Variants in POT1 observed in about 807,000 individuals in gnomAD.
POT1 encodes the protein protection of telomeres 1.
A neutral mutation model predicts 78.5 loss-of-function variants in POT1; 47 were observed. The observed-to-expected ratio is 0.60, with a 90% CI of 0.47 to 0.76. The LOEUF (loss-of-function observed/expected upper bound fraction) is 0.76, where lower values mean the gene tolerates loss of function less well. Ranked by LOEUF, POT1 falls within the 30% of genes least tolerant of loss-of-function variation. The pLI, the probability that POT1 is intolerant of heterozygous loss-of-function variation, is 0.00. For synonymous variants in POT1, 259 were observed against 260.7 expected, an observed-to-expected ratio of 0.99 and a Z score of 0.06; for missense variants, 646 against 749.9, an observed-to-expected ratio of 0.86 and a Z score of 1.62.
intron 6 of POT1, among the ~76,000 whole-genome samples, chr7:124,876,944 A>G (rs1796003933): frequency 6.6e-6 from 1 of 152,284 alleles, no homozygotes; most frequent in African/African-American, 2.4e-5. Context: ...CCTTAGTACA[A>G]TATCTGACCA....
intron 6 of POT1, among the ~76,000 whole-genome samples, chr7:124,878,872 A>C (rs1796052449): frequency 6.6e-6 from 1 of 152,068 alleles, no homozygotes; most frequent in Non-Finnish European, 1.5e-5. Flanking sequence ...AAATGCTCAT[A>C]ATTATGACAA....
intron 3 of POT1, among the ~76,000 whole-genome samples, chr7:124,904,622 C>G (rs1171031338): frequency 1.3e-5 from 2 of 150,190 alleles, no homozygotes; most frequent in Admixed American, 1.3e-4. Context: ...TCCCAGTCAA[C>G]ATAGTGTTGG....
intron 12 of POT1, among the ~76,000 whole-genome samples, chr7:124,844,663 A>C (rs1584759792): frequency 7.0e-6 from 1 of 143,440 alleles, no homozygotes; most frequent in East Asian, 2.2e-4. Context: ...TGAACCCGGA[A>C]GGCAGAGCTT....
intron 14 of POT1, among the ~76,000 whole-genome samples, chr7:124,836,037 G>T (rs1265954025): frequency 6.6e-6 from 1 of 152,064 alleles, no homozygotes; most frequent in African/African-American, 2.4e-5. Context: ...CAGGCAAAAT[G>T]AAAAGGATTT....
chr7:124,829,473 T>A (rs1054519438), intron 15 of POT1, 131 bp from the exon 16 acceptor site: 2 of 594,456 alleles, frequency 3.4e-6, no homozygotes, highest in African/African-American at 1.9e-5. Context: ...GCATCCCCTA[T>A]ATTGTAATGT....
At chr7:124,901,723 A>C (rs931835402) in intron 3 of POT1, among the ~76,000 whole-genome samples, 1 of 152,214 alleles carries the variant, frequency 6.6e-6, no homozygotes, top group African/African-American at 2.4e-5. Flanking sequence ...CAGTAATAAT[A>C]AACTTTTCCA....
chr7:124,919,856 T>G (rs1181308815), intron 2 of POT1, among the ~76,000 whole-genome samples: 4 of 152,176 alleles, frequency 2.6e-5, no homozygotes, highest in Non-Finnish European at 5.9e-5. Flanking sequence ...GCCCCTCAGA[T>G]GTGCTACAAA....
chr7:124,866,137 T>G (rs1205592558), intron 7 of POT1, among the ~76,000 whole-genome samples: 1 of 152,116 alleles, frequency 6.6e-6, no homozygotes, highest in Non-Finnish European at 1.5e-5. Flanking sequence ...TTTGTTAGGG[T>G]GATACGTGGA....
intron 2 of POT1, among the ~76,000 whole-genome samples, chr7:124,925,927 C>A (rs540562700): frequency 6.6e-6 from 1 of 151,978 alleles, no homozygotes; most frequent in Non-Finnish European, 1.5e-5. Context: ...GAAACTGGAA[C>A]GTATATGTCA....
chr7:124,903,834 A>G (rs1176868112), intron 3 of POT1, among the ~76,000 whole-genome samples: 1 of 152,220 alleles, frequency 6.6e-6, no homozygotes, highest in Admixed American at 6.5e-5. Flanking sequence ...GATAAAGGGG[A>G]TATCACCACT....
chr7:124,892,136 A>C (rs1322790449), intron 6 of POT1, 130 bp downstream of exon 6: 2 of 561,766 alleles, frequency 3.6e-6, no homozygotes, highest in Non-Finnish European at 6.3e-6. Flanking sequence ...AAGAATATGC[A>C]TCAGTGTTGT....
chr7:124,885,576 C>T (rs1007282852), intron 6 of POT1, among the ~76,000 whole-genome samples: 2 of 151,924 alleles, frequency 1.3e-5, no homozygotes, highest in African/African-American at 4.8e-5. Flanking sequence ...ACCATCCTGG[C>T]TAACACAGTG....
At chr7:124,832,241 G>A (rs1344231497) in intron 15 of POT1, among the ~76,000 whole-genome samples, 2 of 93,152 alleles carry the variant, frequency 2.1e-5, no homozygotes, top group Non-Finnish European at 3.9e-5. Context: ...GTATCAGAAT[G>A]ACACTGTCTC....
In POT1 at chr7:124,887,505, T is replaced by G. The variant is rs147505665; in HGVS notation, c.124+4761A>C. On this transcript the variant is annotated intron_variant, in intron 6 of 18. Coordinates refer to ENST00000357628, the MANE Select transcript of POT1 (RefSeq NM_015450.3). ...ACCTGACCAAAGAGTAGATTCCTAG[T>G]TCATTCCTCAACAATAAAATTTGTA... Among the ~76,000 whole-genome samples the G allele has an allele frequency of 6.6e-5, 10 of 152,214 alleles. No individual in the cohort carries two copies. The East Asian group carries it at 9.6e-4, about 15-fold the overall frequency.
intron 6 of POT1, among the ~76,000 whole-genome samples, chr7:124,872,203 A>G (rs1213397088): frequency 6.6e-6 from 1 of 152,154 alleles, no homozygotes; most frequent in African/African-American, 2.4e-5. Context: ...GTGTATACAG[A>G]CCACATTTTC....
intron 6 of POT1, among the ~76,000 whole-genome samples, chr7:124,890,305 G>A (rs1375610878): frequency 6.6e-6 from 1 of 151,924 alleles, no homozygotes; most frequent in Non-Finnish European, 1.5e-5. Context: ...TTCAACAGAT[G>A]AAGAGTTGCT....
intron 3 of POT1, among the ~76,000 whole-genome samples, chr7:124,901,105 T>G (rs1796608313): frequency 1.3e-5 from 2 of 152,266 alleles, no homozygotes; most frequent in South Asian, 4.1e-4. Context: ...AGCAGAAACT[T>G]CTGCAGACTT....
intron 3 of POT1, among the ~76,000 whole-genome samples, chr7:124,913,057 A>G (rs560219915): frequency 3.9e-5 from 6 of 152,292 alleles, no homozygotes; most frequent in African/African-American, 1.4e-4. Context: ...GCAAAGAGAG[A>G]GCTTGTGCAG....
chr7:124,868,352 A>G (rs1313681463), intron 7 of POT1, among the ~76,000 whole-genome samples: 1 of 152,182 alleles, frequency 6.6e-6, no homozygotes, highest in African/African-American at 2.4e-5. Context: ...TCTATACAGG[A>G]GCCTCACAAT....
Sources: gnomAD v4.1 joint callset for allele counts (sites outside exome capture counted in the v4.1 genomes callset) on GRCh38, gnomAD v4.1.1 for gene constraint, MANE v1.5 for transcripts, NCBI Gene and HGNC (gene_info 2026-07-23, HGNC 2026-07-21) for gene names.